Variants in THSD7A observed in about 807,000 individuals in gnomAD.
The protein encoded by THSD7A is thrombospondin type 1 domain containing 7A.
A neutral mutation model predicts 231.3 loss-of-function variants in THSD7A; 96 were observed. The ratio of observed to expected loss-of-function variants is 0.41; its 90% CI spans 0.35 to 0.49. The LOEUF is 0.49. Among genes scored for constraint, THSD7A ranks in the 20% least tolerant of loss-of-function variants. The pLI, the probability that THSD7A is intolerant of heterozygous loss-of-function variation, is 0.05. For missense variants in THSD7A, 2,290 were observed against 2,070.2 expected (o/e 1.11, Z -2.06); for synonymous variants, 940 against 743.3 (o/e 1.26, Z -4.30).
intron 2 of THSD7A, among the ~76,000 whole-genome samples, chr7:11,594,624 A>T (rs556424739): frequency 6.6e-6 from 1 of 152,292 alleles, no homozygotes; most frequent in South Asian, 2.1e-4. Flanking sequence ...CAAGAAACAT[A>T]ATGAAGCTAG....
chr7:11,408,169 T>C (rs939419524), intron 19 of THSD7A, among the ~76,000 whole-genome samples: 1 of 152,176 alleles, frequency 6.6e-6, no homozygotes, highest in Non-Finnish European at 1.5e-5. Flanking sequence ...TCTTCTACTG[T>C]ATATTCCAAC....
At position 11,446,037 on chromosome 7, in the gene THSD7A, A is replaced by G. The variant is rs142215161; in HGVS notation, c.3064+24T>C. The stretch of plus-strand genomic sequence containing the variant: ...CTCCACACTCCCGAAGATAGCAAAT[A>G]TGTAACAATGAAGATTGAATTACCA... On this transcript the variant is annotated intron_variant, in intron 13 of 27. Coordinates refer to ENST00000423059, the MANE Select transcript of THSD7A (RefSeq NM_015204.3). This position sits in a 1 kb window ranked among gnomAD's most constrained non-coding sequence, Gnocchi z 4.0. 1 of 1,612,510 alleles carries G rather than the reference A, an allele frequency of 6.2e-7. No individual in the cohort carries two copies. Among genetic ancestry groups the G allele is most frequent in the Non-Finnish European group, 8.5e-7 (1 of 1,178,868 alleles).
chr7:11,777,363 T>C (rs1404600101), intron 1 of THSD7A, among the ~76,000 whole-genome samples: 1 of 151,672 alleles, frequency 6.6e-6, no homozygotes, highest in Admixed American at 6.6e-5. Context: ...GGAAAGGCCA[T>C]GATTTTGCCA....
chr7:11,636,847 G>T lies in THSD7A; in HGVS notation c.305C>A (p.Ala102Asp). ...WTTLHTNCKQAERPNNQQNCF... is the reference protein window; with the variant it reads ...WTTLHTNCKQDERPNNQQNCF... The stretch of plus-strand genomic sequence containing the variant: ...ATTCTGCTGGTTATTGGGTCTCTCG[G>T]CCTGCTTACAGTTAGTATGCAGTGT... The change falls in exon 2 of 28, where the codon GCC (alanine) becomes GAC (aspartate). Residue 102 changes from alanine (A) to aspartate (D), a missense_variant. Physicochemically the swap from Ala to Asp is moderately radical, Grantham distance 126. Coordinates refer to ENST00000423059, the MANE Select transcript of THSD7A (RefSeq NM_015204.3). This position sits in a 1 kb window ranked among gnomAD's most constrained non-coding sequence, Gnocchi z 10.0. 1 of 1,613,874 alleles carries T rather than the reference G, an allele frequency of 6.2e-7. No individual in the cohort carries two copies. Among genetic ancestry groups the T allele is most frequent in the Non-Finnish European group, 8.5e-7 (1 of 1,179,898 alleles).
At chr7:11,408,010 A>G (rs965729103) in intron 19 of THSD7A, among the ~76,000 whole-genome samples, 1 of 152,116 alleles carries the variant, frequency 6.6e-6, no homozygotes, top group African/African-American at 2.4e-5. Context: ...TAAAACAAAG[A>G]TTTTCACTTC....
At chr7:11,806,505 T>A (rs1784401016) in intron 1 of THSD7A, among the ~76,000 whole-genome samples, 1 of 152,146 alleles carries the variant, frequency 6.6e-6, no homozygotes, top group African/African-American at 2.4e-5. Context: ...ATACAATATA[T>A]ATTTTTAGAT....
intron 2 of THSD7A, among the ~76,000 whole-genome samples, chr7:11,611,385 T>A (rs1483823380): frequency 1.3e-5 from 2 of 152,012 alleles, no homozygotes; most frequent in African/African-American, 2.4e-5. Flanking sequence ...TTATGATAAC[T>A]GCTTAATAAG....
At chr7:11,570,844 C>T (rs185194359) in intron 4 of THSD7A, among the ~76,000 whole-genome samples, 1 of 152,100 alleles carries the variant, frequency 6.6e-6, no homozygotes, top group Non-Finnish European at 1.5e-5. Flanking sequence ...GATGGGGGAC[C>T]AGTTGGCATG....
intron 1 of THSD7A, among the ~76,000 whole-genome samples, chr7:11,717,945 C>G (rs927630801): frequency 1.3e-5 from 2 of 151,530 alleles, no homozygotes; most frequent in African/African-American, 4.8e-5. Context: ...TTTGTTTAGT[C>G]TACGATTTCC....
intron 6 of THSD7A, among the ~76,000 whole-genome samples, chr7:11,526,574 C>T (rs1186966006): frequency 1.3e-5 from 2 of 152,198 alleles, no homozygotes; most frequent in East Asian, 1.9e-4. Flanking sequence ...CAGGCATAAC[C>T]ATGTGCCTGT....
At chr7:11,526,702 C>T (rs1308996595) in intron 6 of THSD7A, among the ~76,000 whole-genome samples, 1 of 152,134 alleles carries the variant, frequency 6.6e-6, no homozygotes, top group African/African-American at 2.4e-5. Context: ...TTCCCCCTTT[C>T]CCCTCTCTTT....
Position 11,815,060 on chromosome 7 carries a change from T to C in THSD7A, c.190+16697A>G, listed in dbSNP as rs150770278. On this transcript the variant is annotated intron_variant, in intron 1 of 27. Transcript: ENST00000423059. ...TTTGAATTTGTTGTTACATATACTTTCATGTAGCCATTCCCTAAAACTCAA... is the reference window on the plus strand; with the variant it reads ...TTTGAATTTGTTGTTACATATACTTCCATGTAGCCATTCCCTAAAACTCAA... Among the ~76,000 whole-genome samples, 93 of 150,042 alleles carry C rather than the reference T, an allele frequency of 6.2e-4. 1 individual carries two copies. The highest frequency in any genetic ancestry group is 2.2e-3 in the African/African-American group (90 of 41,026).
intron 1 of THSD7A, chr7:11,821,162 A>G (rs1784862302): frequency 8.9e-6 from 10 of 1,129,780 alleles, no homozygotes; most frequent in South Asian, 6.2e-5. Context: ...TGTTTATGTA[A>G]TGTCATTCCT....
chr7:11,768,033 C>T (rs1783086931), intron 1 of THSD7A, among the ~76,000 whole-genome samples: 1 of 151,936 alleles, frequency 6.6e-6, no homozygotes, highest in Admixed American at 6.6e-5. Flanking sequence ...TGATCATTTA[C>T]AATAAAAGGA....
chr7:11,573,661 T>C (rs1218962824), intron 4 of THSD7A, among the ~76,000 whole-genome samples: 1 of 152,214 alleles, frequency 6.6e-6, no homozygotes, highest in Non-Finnish European at 1.5e-5. Flanking sequence ...TATGTTTGCT[T>C]TCTGATTATT....
intron 9 of THSD7A, among the ~76,000 whole-genome samples, chr7:11,465,166 C>T (rs746791347): frequency 6.6e-6 from 1 of 152,060 alleles, no homozygotes; most frequent in Non-Finnish European, 1.5e-5. Flanking sequence ...TAAATATTTG[C>T]TGAACGCACA....
At chr7:11,658,927 A>T (rs1273518448) in intron 1 of THSD7A, among the ~76,000 whole-genome samples, 1 of 151,726 alleles carries the variant, frequency 6.6e-6, no homozygotes, top group East Asian at 1.9e-4. Flanking sequence ...GTATGCCTAA[A>T]AGGATGAGTG....
At chr7:11,404,320 T>C (rs1783509332) in intron 22 of THSD7A, among the ~76,000 whole-genome samples, 2 of 152,172 alleles carry the variant, frequency 1.3e-5, no homozygotes, top group Admixed American at 6.6e-5. Context: ...GCAGAAAGTA[T>C]AATGAAATCA....
At chr7:11,428,497 C>T (rs905298507) in intron 14 of THSD7A, among the ~76,000 whole-genome samples, 2 of 152,108 alleles carry the variant, frequency 1.3e-5, no homozygotes, top group Non-Finnish European at 2.9e-5. Flanking sequence ...TTATATCAAA[C>T]ACATTTAAAT....
Sources: allele counts gnomAD v4.1 joint callset (sites outside exome capture counted in the v4.1 genomes callset), GRCh38; gene constraint gnomAD v4.1.1; non-coding constraint Gnocchi (gnomAD v3.1); transcripts MANE v1.5; gene names NCBI Gene and HGNC (gene_info 2026-07-23, HGNC 2026-07-21).